The following RPAP3 variants were observed in gnomAD, a reference collection of about 807,000 sequenced individuals.
RPAP3 encodes RNA polymerase II associated protein 3, also known as RNA polymerase II-associated protein 3.
In RPAP3, 58 loss-of-function variants were observed where a neutral mutation model predicts 88.8. The ratio of observed to expected loss-of-function variants is 0.65; its 90% CI spans 0.53 to 0.81. The LOEUF is 0.81. Among genes scored for constraint, RPAP3 ranks in the 40% least tolerant of loss-of-function variants. The pLI, the probability that RPAP3 is intolerant of heterozygous loss-of-function variation, is 0.00. For missense variants in RPAP3, 751 were observed against 764.3 expected (o/e 0.98, Z 0.20); for synonymous variants, 255 against 259.9 (o/e 0.98, Z 0.18).
rs569674539 is a variant in RPAP3 at position 47,706,000 on chromosome 12, G to A, written c.-55C>T. ...ACTGCCACCCCGTCAGCCCCGCAGC[G>A]ACTCACGCCGAGCCCGGCAGTGACT... is the stretch of plus-strand genomic sequence containing the variant. On this transcript the variant is annotated 5_prime_UTR_variant, in exon 1 of 17. Coordinates refer to ENST00000005386, the MANE Select transcript of RPAP3 (RefSeq NM_024604.3). 1 of 152,842 alleles carries A rather than the reference G, an allele frequency of 6.5e-6. No homozygotes were observed. Among genetic ancestry groups the A allele is most frequent in the South Asian group, 2.1e-4 (1 of 4,860 alleles). The allele number at this position is 152,842 out of a possible 1,614,324, so 9.5% of individuals were successfully genotyped here.
chr12:47,686,545 T>TACAGACACACACACAC (rs1555182571), intron 9 of RPAP3, among the ~76,000 whole-genome samples: 1 of 145,352 alleles, frequency 6.9e-6, no homozygotes, highest in Non-Finnish European at 1.5e-5. Context: ...CACATACACA[T>TACAGACACACACACAC]ACACACACAC....
chr12:47,687,831 C>A, intron 8 of RPAP3, 45 bp downstream of exon 8: 2 of 1,567,348 alleles, frequency 1.3e-6, no homozygotes, highest in Non-Finnish European at 8.6e-7. Flanking sequence ...TAAATCAACA[C>A]TCAGCAAAAC....
chr12:47,671,275 T>C (rs1312807238), intron 12 of RPAP3, among the ~76,000 whole-genome samples: 1 of 152,214 alleles, frequency 6.6e-6, no homozygotes, highest in Non-Finnish European at 1.5e-5. Flanking sequence ...GAAAAGCTTC[T>C]TCTAAAATTT....
chr12:47,700,862 C>T (rs887267265), intron 3 of RPAP3, among the ~76,000 whole-genome samples: 1 of 152,160 alleles, frequency 6.6e-6, no homozygotes, highest in South Asian at 2.1e-4. Flanking sequence ...TTCTACAGGT[C>T]CTTCAGTTTA....
At chr12:47,696,195 CT>C (rs1289726542) in intron 5 of RPAP3, 80 bp downstream of exon 5, 25 of 1,225,522 alleles carry the variant, frequency 2.0e-5, no homozygotes, top group Non-Finnish European at 2.4e-5. Context: ...GTCCTCCACA[CT>C]TTATTCCACA....
chr12:47,690,400 C>A, intron 6 of RPAP3, 118 bp downstream of exon 6: 1 of 808,420 alleles, frequency 1.2e-6, no homozygotes, highest in Non-Finnish European at 1.8e-6. Flanking sequence ...CAAAAATGAC[C>A]TTTGTTCAAA....
intron 12 of RPAP3, among the ~76,000 whole-genome samples, chr12:47,673,736 G>C (rs1462398505): frequency 6.6e-6 from 1 of 151,968 alleles, no homozygotes; most frequent in Non-Finnish European, 1.5e-5. Context: ...TTTTAGGGGT[G>C]ATGTCTTAAT....
intron 6 of RPAP3, 99 bp from the exon 7 acceptor site, chr12:47,689,294 T>C (rs1408467435): frequency 8.9e-6 from 5 of 559,188 alleles, no homozygotes; most frequent in South Asian, 2.2e-5. Context: ...CAGGCAACTG[T>C]CCTACAGCAA....
chr12:47,683,514 A>G (rs1481807083), intron 9 of RPAP3, among the ~76,000 whole-genome samples: 1 of 152,174 alleles, frequency 6.6e-6, no homozygotes, highest in Non-Finnish European at 1.5e-5. Context: ...ATTTAATTGC[A>G]TGTTCTACTG....
At chr12:47,670,837 A>T (rs996790540) in intron 12 of RPAP3, among the ~76,000 whole-genome samples, 1 of 152,206 alleles carries the variant, frequency 6.6e-6, no homozygotes, top group African/African-American at 2.4e-5. Flanking sequence ...TCTGGACTCT[A>T]TTCTAGGGGC....
rs184159098 is a variant in RPAP3, at chr12:47,690,606, T to G, written c.579A>C (p.Ala193=). The G allele has an allele frequency of 6.4e-7, 1 of 1,573,702 alleles. No individual in the cohort carries two copies. The highest frequency in any genetic ancestry group is 1.4e-5 in the African/African-American group (1 of 74,052). ...FAVAESDCNL[A]VALNRSYTKA... is the part of the protein sequence containing the mutation. The stretch of plus-strand genomic sequence containing the variant: ...TTGTATAACTTCTATTCAAGGCAAC[T>G]GCTAAATTACAATCAGACTCAGCAA... Residue 193 remains alanine, a synonymous_variant, in exon 6 of 17, where the codon GCA becomes GCC. Transcript: ENST00000005386.
Position 47,667,072 on chromosome 12 carries a change from T to A in RPAP3, c.1820A>T (p.Lys607Met). The A allele has an allele frequency of 7.0e-7, 1 of 1,434,980 alleles. No homozygotes were observed. The highest frequency in any genetic ancestry group is 9.3e-7 in the Non-Finnish European group (1 of 1,078,036). 88.9% of individuals were successfully genotyped at this position (1,434,980 alleles called of 1,614,324 possible). ...TAAGATTTCAAAGATGAGTAATGGC[T>A]TTTCTTTCCTGAAATAATCCAAATA... ...ILHDFYIEKE[K>M]PLLIFEILQR... The change falls in exon 16 of 17, where the codon AAG (lysine) becomes ATG (methionine). Residue 607 changes from lysine (K) to methionine (M), a missense_variant. Transcript: ENST00000005386.
At chr12:47,681,956 A>C in intron 9 of RPAP3, 139 bp from the exon 10 acceptor site, 1 of 782,504 alleles carries the variant, frequency 1.3e-6, no homozygotes, top group Non-Finnish European at 1.9e-6. Context: ...GTGGAGAACT[A>C]TTTTATAAAT....
chr12:47,685,117 G>A (rs955874689), intron 9 of RPAP3, among the ~76,000 whole-genome samples: 2 of 152,174 alleles, frequency 1.3e-5, no homozygotes, highest in Admixed American at 6.5e-5. Flanking sequence ...GGTGGCTCCT[G>A]CCTGTAATCC....
intron 8 of RPAP3, 118 bp downstream of exon 8, chr12:47,687,758 C>A: frequency 1.6e-6 from 2 of 1,236,106 alleles, no homozygotes; most frequent in Non-Finnish European, 2.2e-6. Context: ...ATTTAATTCC[C>A]AATTCCTACT....
chr12:47,668,859 G>T, intron 14 of RPAP3, 57 bp downstream of exon 14: 1 of 1,328,236 alleles, frequency 7.5e-7, no homozygotes, highest in Non-Finnish European at 1.1e-6. Flanking sequence ...ATTATAAAGT[G>T]ACAGAAGTTC....
At chr12:47,671,575 AT>A (rs1432134853) in intron 12 of RPAP3, among the ~76,000 whole-genome samples, 7 of 152,336 alleles carry the variant, frequency 4.6e-5, no homozygotes, top group Middle Eastern at 3.4e-3. Flanking sequence ...CTGTAAGAAA[AT>A]TTATAACAGA....
rs756643050 is a variant in RPAP3, at chr12:47,679,501, C to T, written c.1279G>A (p.Gly427Arg). The change falls in exon 12 of 17, where the codon GGA becomes AGA. Residue 427 changes from glycine (G) to arginine (R), a missense_variant. Physicochemically the swap from Gly to Arg is moderately radical, Grantham distance 125 (BLOSUM62 -2). Transcript: ENST00000005386. Reference sequence around the variant, plus strand: ...GAAAGTGCTTTACTTACAGTTGATCCAGGATGCGGTGGATTATCAATGGGT... The same window carrying T: ...GAAAGTGCTTTACTTACAGTTGATCTAGGATGCGGTGGATTATCAATGGGT... ...VKPIDNPPHP[G>R]STKPLKKVII... 6.3e-7 allele frequency: 1 copy of T among 1,593,608 alleles called. No homozygotes were observed. Among genetic ancestry groups the T allele is most frequent in the South Asian group, 1.1e-5 (1 of 87,364 alleles).
At chr12:47,700,464 G>A (rs1024037883) in intron 3 of RPAP3, among the ~76,000 whole-genome samples, 13 of 152,056 alleles carry the variant, frequency 8.5e-5, no homozygotes, top group African/African-American at 1.2e-4. Flanking sequence ...CAAATATTAC[G>A]TAATAAACAC....
Sources: gnomAD v4.1 joint callset for allele counts (sites outside exome capture counted in the v4.1 genomes callset) on GRCh38, gnomAD v4.1.1 for gene constraint, MANE v1.5 for transcripts, NCBI Gene and HGNC (gene_info 2026-07-23, HGNC 2026-07-21) for gene names.